SOX5: variants seen among roughly 807,000 people sequenced by gnomAD.
SOX5 encodes transcription factor SOX-5.
A neutral mutation model predicts 92.0 loss-of-function variants in SOX5; 9 were observed. The ratio of observed to expected loss-of-function variants is 0.10; its 90% CI spans 0.06 to 0.17. The LOEUF (loss-of-function observed/expected upper bound fraction) is 0.17. Ranked by LOEUF, SOX5 falls within the 10% of genes least tolerant of loss-of-function variation. SOX5 has a pLI of 1.00. For synonymous variants in SOX5, 344 were observed against 336.3 expected (o/e 1.02, Z -0.25); for missense variants, 642 against 944.5 (o/e 0.68, Z 4.20).
At chr12:23,848,226 C>T (rs1353925739) in intron 2 of SOX5, among the ~76,000 whole-genome samples, 1 of 151,980 alleles carries the variant, frequency 6.6e-6, no homozygotes, top group African/African-American at 2.4e-5. Flanking sequence ...CCTTTAATTG[C>T]CATAATTGAA....
chr12:24,006,858 G>T (rs893630637), intron 4 of SOX5, among the ~76,000 whole-genome samples: 1 of 151,958 alleles, frequency 6.6e-6, no homozygotes, highest in African/African-American at 2.4e-5. Flanking sequence ...ACTGAAGTGG[G>T]TGCGGTGCCT....
At chr12:24,291,790 T>C (rs1261549586) in intron 2 of SOX5, among the ~76,000 whole-genome samples, 1 of 152,202 alleles carries the variant, frequency 6.6e-6, no homozygotes, top group Non-Finnish European at 1.5e-5. Flanking sequence ...ATATTCCTGA[T>C]TGACCAGACT....
intron 8 of SOX5, among the ~76,000 whole-genome samples, chr12:23,610,658 G>A (rs2075840354): frequency 6.6e-6 from 1 of 151,896 alleles, no homozygotes; most frequent in African/African-American, 2.4e-5. Context: ...ACAATCCAAA[G>A]AATTAGAAAG....
intron 4 of SOX5, among the ~76,000 whole-genome samples, chr12:24,179,738 C>CA (rs1955256238): frequency 6.6e-6 from 1 of 152,100 alleles, no homozygotes; most frequent in Admixed American, 6.5e-5. Flanking sequence ...GTAGGTGCGG[C>CA]TAAGCTATGG....
chr12:24,385,926 C>CAAAAAAAAAAAAAAAAAAAA (rs35813329), intron 1 of SOX5, among the ~76,000 whole-genome samples: 3 of 73,398 alleles, frequency 4.1e-5, no homozygotes, highest in African/African-American at 1.2e-4. Context: ...GACCTTGTCA[C>CAAAAAAAAAAAAAAAAAAAA]AAAAAAAAAA....
chr12:23,643,079 T>G (rs1592872478), intron 7 of SOX5, among the ~76,000 whole-genome samples: 1 of 95,918 alleles, frequency 1.0e-5, no homozygotes, highest in Non-Finnish European at 1.9e-5. Flanking sequence ...AGAGCGAGAC[T>G]CCGTCTCAAA....
chr12:24,144,454 T>C (rs943166094), intron 4 of SOX5, among the ~76,000 whole-genome samples: 18 of 152,118 alleles, frequency 1.2e-4, no homozygotes, highest in African/African-American at 4.3e-4. Flanking sequence ...GTTTAAGCAA[T>C]AAAAAATTAT....
chr12:23,980,129 T>A (rs1245428867), intron 4 of SOX5, among the ~76,000 whole-genome samples: 1 of 152,046 alleles, frequency 6.6e-6, no homozygotes, highest in Non-Finnish European at 1.5e-5. Context: ...CATAATGAGT[T>A]TTTTTAGCAC....
At chr12:23,915,284 C>T (rs1002078604) in intron 1 of SOX5, among the ~76,000 whole-genome samples, 4 of 151,966 alleles carry the variant, frequency 2.6e-5, no homozygotes, top group Non-Finnish European at 2.9e-5. Flanking sequence ...TCATTTAAAC[C>T]ACTTAGCTCT....
At chr12:24,334,163 G>T (rs1951640376) in intron 2 of SOX5, among the ~76,000 whole-genome samples, 1 of 151,710 alleles carries the variant, frequency 6.6e-6, no homozygotes, top group South Asian at 2.1e-4. Flanking sequence ...ATTAAATTTA[G>T]AAAATTAGAA....
At chr12:24,469,007 A>G (rs1944512424) in intron 1 of SOX5, among the ~76,000 whole-genome samples, 1 of 152,136 alleles carries the variant, frequency 6.6e-6, no homozygotes, top group Admixed American at 6.5e-5. Context: ...CTTTATTTCC[A>G]CTATTATCAC....
Position 23,531,833 on chromosome 12 carries a change from G to T in SOX5, c.*2386C>A, listed in dbSNP as rs925276423. 3 of 151,722 alleles carry T rather than the reference G, an allele frequency of 2.0e-5. No individual in the cohort carries two copies. The highest frequency in any genetic ancestry group is 1.3e-4 in the Admixed American group (2 of 15,204). The allele number at this position is 151,722 out of a possible 1,614,324, so 9.4% of individuals were successfully genotyped here. A position where few individuals can be genotyped will look rare whatever the true frequency, so the allele number is the denominator to read the frequency against. ...TGTTTTAAACATCAGAACTGATATTGTTGGGGCCAAAATTCTTAAAAAAGA... is the reference window on the plus strand; with the variant it reads ...TGTTTTAAACATCAGAACTGATATTTTTGGGGCCAAAATTCTTAAAAAAGA... On this transcript the variant is annotated 3_prime_UTR_variant, in exon 15 of 15. Coordinates refer to ENST00000451604, the MANE Select transcript of SOX5 (RefSeq NM_006940.6).
intron 4 of SOX5, among the ~76,000 whole-genome samples, chr12:24,107,908 A>G (rs1210954197): frequency 6.6e-6 from 1 of 152,234 alleles, no homozygotes; most frequent in Non-Finnish European, 1.5e-5. Context: ...TCAAAAGCAA[A>G]GCCAAGTGAA....
chr12:23,546,209 T>C (rs1591937829), intron 12 of SOX5, 107 bp downstream of exon 12: 1 of 662,026 alleles, frequency 1.5e-6, no homozygotes, highest in East Asian at 2.6e-5. Flanking sequence ...CTTATTGTAA[T>C]GATGAGGTAT....
chr12:24,479,546 C>T (rs1252471164), intron 1 of SOX5, among the ~76,000 whole-genome samples: 3 of 152,136 alleles, frequency 2.0e-5, no homozygotes, highest in African/African-American at 4.8e-5. Flanking sequence ...GAATGTTTCT[C>T]CAAATCTGAA....
At chr12:23,829,825 GA>G (rs1296024931) in intron 3 of SOX5, among the ~76,000 whole-genome samples, 3 of 151,990 alleles carry the variant, frequency 2.0e-5, no homozygotes, top group Admixed American at 2.0e-4. Flanking sequence ...AGAAGATGAA[GA>G]AAATGAAGGC....
At chr12:23,598,553 C>T (rs1952878952) in intron 9 of SOX5, among the ~76,000 whole-genome samples, 1 of 151,656 alleles carries the variant, frequency 6.6e-6, no homozygotes, top group African/African-American at 2.4e-5. Context: ...CGCCTGCCAC[C>T]ACGCCCGGCT....
At chr12:23,747,296 C>T (rs1045661105) in intron 4 of SOX5, among the ~76,000 whole-genome samples, 1 of 152,140 alleles carries the variant, frequency 6.6e-6, no homozygotes, top group Non-Finnish European at 1.5e-5. Context: ...ACAACAATTG[C>T]TTTCTAGTCA....
At chr12:23,576,708 A>G (rs1366247166) in intron 9 of SOX5, among the ~76,000 whole-genome samples, 1 of 152,292 alleles carries the variant, frequency 6.6e-6, no homozygotes, top group African/African-American at 2.4e-5. Context: ...TTATAGATAC[A>G]GTATCATTAA....
Sources: allele counts gnomAD v4.1 joint callset (sites outside exome capture counted in the v4.1 genomes callset), GRCh38; gene constraint gnomAD v4.1.1; transcripts MANE v1.5; gene names NCBI Gene and HGNC (gene_info 2026-07-23, HGNC 2026-07-21).